BTAF1: variants seen among roughly 807,000 people sequenced by gnomAD.
The protein encoded by BTAF1 is B-TFIID TATA-box binding protein associated factor 1.
Under a neutral mutation model 227.1 loss-of-function variants are expected in BTAF1, and 38 were observed. That is an observed-to-expected ratio of 0.17 (90% CI 0.13 to 0.22). The LOEUF is 0.22. Ranked by LOEUF, BTAF1 falls within the 10% of genes least tolerant of loss-of-function variation. BTAF1 has a pLI of 1.00. For synonymous variants in BTAF1, 742 were observed against 751.9 expected, an observed-to-expected ratio of 0.99 and a Z score of 0.21; for missense variants, 1,598 against 2,204.0, an observed-to-expected ratio of 0.73 and a Z score of 5.51.
intron 12 of BTAF1, 137 bp downstream of exon 12, chr10:91,962,815 C>A: frequency 1.5e-6 from 1 of 646,272 alleles, no homozygotes; most frequent in Non-Finnish European, 2.5e-6. Context: ...CTGATGCATG[C>A]AATCTTGATT....
At chr10:92,012,578 C>A (rs867104177) in intron 30 of BTAF1, among the ~76,000 whole-genome samples, 1 of 150,826 alleles carries the variant, frequency 6.6e-6, no homozygotes, top group Non-Finnish European at 1.5e-5. Context: ...TGAGACCAGC[C>A]TGGCCAGTGT....
At chr10:91,982,033 TCA>T (rs1428614317) in intron 16 of BTAF1, 48 bp from the exon 17 acceptor site, 1 of 1,560,240 alleles carries the variant, frequency 6.4e-7, no homozygotes, top group African/African-American at 1.4e-5. Context: ...TGTTGCCTAT[TCA>T]GTTTTAATGG....
chr10:91,948,410 G>A (rs1845536282), intron 4 of BTAF1, among the ~76,000 whole-genome samples: 1 of 148,676 alleles, frequency 6.7e-6, no homozygotes, highest in Admixed American at 6.7e-5. Context: ...TTTATTTAGA[G>A]ACAGGATCTC....
intron 4 of BTAF1, among the ~76,000 whole-genome samples, chr10:91,946,406 GT>G (rs1214559301): frequency 6.6e-6 from 1 of 152,130 alleles, no homozygotes; most frequent in Non-Finnish European, 1.5e-5. Flanking sequence ...TCATGTACAA[GT>G]TTTTGTTTGG....
intron 19 of BTAF1, among the ~76,000 whole-genome samples, chr10:91,988,377 AC>A (rs1352133475): frequency 2.0e-5 from 3 of 152,170 alleles, no homozygotes; most frequent in Non-Finnish European, 4.4e-5. Flanking sequence ...ATGTTTTTAA[AC>A]TTTTAGCATT....
At chr10:91,925,608 T>C (rs1043358538) in intron 1 of BTAF1, among the ~76,000 whole-genome samples, 2 of 143,438 alleles carry the variant, frequency 1.4e-5, no homozygotes, top group African/African-American at 2.5e-5. Flanking sequence ...GCATCCCGGG[T>C]TCAGGCCATC....
chr10:91,991,596 T>C (rs1848757869), intron 20 of BTAF1, among the ~76,000 whole-genome samples: 1 of 149,852 alleles, frequency 6.7e-6, no homozygotes, highest in South Asian at 2.1e-4. Flanking sequence ...TCAAAAAATA[T>C]AAAATTAGCT....
At chr10:91,961,444 G>C (rs988800532) in intron 11 of BTAF1, among the ~76,000 whole-genome samples, 3 of 119,580 alleles carry the variant, frequency 2.5e-5, no homozygotes, top group African/African-American at 1.0e-4. Flanking sequence ...AGTTTTCTAA[G>C]ATTGTCTTTT....
intron 19 of BTAF1, among the ~76,000 whole-genome samples, chr10:91,984,964 TTA>T (rs1848305087): frequency 1.3e-5 from 2 of 152,218 alleles, no homozygotes; most frequent in South Asian, 4.1e-4. Context: ...TTTTATATAA[TTA>T]ACTAAAATTC....
Position 92,030,475 on chromosome 10 carries a change from T to TAACTA in BTAF1, c.*1543_*1547dup, listed in dbSNP as rs1389050990. On this transcript the variant is annotated 3_prime_UTR_variant, in exon 38 of 38. Transcript: ENST00000265990. Reference sequence around the variant, plus strand: ...ATATTTGAGTTGAATATTTTTTTATTAACTATTTATTTGCTAGTTCCATAA... The same window carrying TAACTA: ...ATATTTGAGTTGAATATTTTTTTATTAACTAAACTATTTATTTGCTAGTTCCATAA... 5.9e-5 allele frequency: 9 copies of TAACTA among 152,178 alleles called. No homozygotes were observed. The highest frequency in any genetic ancestry group is 8.8e-5 in the Non-Finnish European group (6 of 67,984). The allele number at this position is 152,178 out of a possible 1,614,324, so 9.4% of individuals were successfully genotyped here.
chr10:91,968,908 A>G (rs1020029927), intron 14 of BTAF1, among the ~76,000 whole-genome samples: 11 of 151,876 alleles, frequency 7.2e-5, no homozygotes, highest in Non-Finnish European at 1.3e-4. Context: ...AAGGTCTCAC[A>G]CTGTTGCATG....
At chr10:91,951,269 A>G (rs1026528759) in intron 4 of BTAF1, 134 bp from the exon 5 acceptor site, 4 of 851,760 alleles carry the variant, frequency 4.7e-6, no homozygotes, top group Non-Finnish European at 7.0e-6. Context: ...TGAGATGATC[A>G]TGAATGAATA....
intron 1 of BTAF1, among the ~76,000 whole-genome samples, chr10:91,926,571 A>G (rs1174007925): frequency 6.6e-6 from 1 of 152,188 alleles, no homozygotes; most frequent in Non-Finnish European, 1.5e-5. Flanking sequence ...TCTCTAGTCC[A>G]AGACACCTTT....
Position 91,962,615 on chromosome 10 carries a change from A to G in BTAF1, c.1341A>G (p.Arg447=). The G allele has an allele frequency of 1.2e-6, 2 of 1,612,142 alleles. No homozygotes were observed. The highest frequency in any genetic ancestry group is 1.7e-6 in the Non-Finnish European group (2 of 1,178,948). ...EGLQDLDDDV[R]AVAAASLVPV... is the part of the protein sequence containing the mutation. ...TCCAGGATCTTGATGATGATGTCAG[A>G]GCTGTTGCTGCAGCATCATTAGTGC... The change falls in exon 12 of 38, where the codon AGA becomes AGG. Residue 447 remains arginine (R), a synonymous_variant. Transcript: ENST00000265990.
At position 92,002,053 on chromosome 10, in the gene BTAF1, G is replaced by T. The variant is rs114721603; in HGVS notation, c.3660+4302G>T. ...AGGTAGAGGAGGAAAGCATGAGTGT[G>T]ATGACGAGCACAATGAAAAATATAA... On this transcript the variant is annotated intron_variant, in intron 25 of 37. Transcript: ENST00000265990. Among the ~76,000 whole-genome samples, 453 of 150,254 alleles carry T rather than the reference G, an allele frequency of 3.0e-3. 2 individuals are homozygous for T. The highest frequency in any genetic ancestry group is 0.01 in the African/African-American group (424 of 40,942).
rs562585043 is a variant in BTAF1, at chr10:91,995,627, G to C, written c.3310-742G>C. ...GGAGGCAGAGGTTGCAGTGAGCCAA[G>C]ATCGCGCCACTGCACTCTAGCCTAG... is the stretch of plus-strand genomic sequence containing the variant. On this transcript the variant is annotated intron_variant, in intron 23 of 37. Transcript: ENST00000265990. Among the ~76,000 whole-genome samples the C allele has an allele frequency of 3.3e-5, 5 of 151,264 alleles. No individual in the cohort carries two copies. In the East Asian group the frequency reaches 9.7e-4, roughly 29 times the overall value.
chr10:91,935,845 CA>C, intron 2 of BTAF1, 65 bp downstream of exon 2: 1 of 1,299,422 alleles, frequency 7.7e-7, no homozygotes, highest in Non-Finnish European at 1.0e-6. Context: ...GATAGGAACA[CA>C]AAAATAAAGG....
intron 18 of BTAF1, 114 bp downstream of exon 18, chr10:91,982,875 G>A: frequency 8.7e-7 from 1 of 1,153,458 alleles, no homozygotes; most frequent in Non-Finnish European, 1.2e-6. Flanking sequence ...AAATCCAAGA[G>A]TTACAGAAAA....
In BTAF1 at chr10:92,018,794, C is replaced by T. The variant is rs138796628; in HGVS notation, c.4722C>T (p.Tyr1574=). 733 of 1,557,878 alleles carry T rather than the reference C, an allele frequency of 4.7e-4. 4 individuals are homozygous for T. The Middle Eastern group carries it at 7.2e-3, about 15-fold the overall frequency. Residue 1574 remains tyrosine (Y), a synonymous_variant, in exon 34 of 38, where the codon TAC becomes TAT. Transcript: ENST00000265990. ...ATGHVFQALQ[Y]LRKLCNHPAL... ...TTTTCCTCTTGAAGGCATTACAGTA[C>T]TTACGTAAACTGTGCAACCATCCAG...
Sources: allele counts gnomAD v4.1 joint callset (sites outside exome capture counted in the v4.1 genomes callset), GRCh38; gene constraint gnomAD v4.1.1; transcripts MANE v1.5; gene names NCBI Gene and HGNC (gene_info 2026-07-23, HGNC 2026-07-21).